ANKS1B: variants seen among roughly 807,000 people sequenced by gnomAD.
ANKS1B encodes ankyrin repeat and sterile alpha motif domain-containing protein 1B.
A neutral mutation model predicts 148.3 loss-of-function variants in ANKS1B; 36 were observed. The observed-to-expected ratio is 0.24, with a 90% CI of 0.19 to 0.32. The LOEUF (loss-of-function observed/expected upper bound fraction) is 0.32. Ranked by LOEUF, ANKS1B falls within the 10% of genes least tolerant of loss-of-function variation. ANKS1B has a pLI of 1.00. For missense variants in ANKS1B, 1,157 were observed against 1,542.6 expected (o/e 0.75, Z 4.19); for synonymous variants, 542 against 560.8 (o/e 0.97, Z 0.47).
At chr12:99,702,185 C>T (rs1366778211) in intron 8 of ANKS1B, among the ~76,000 whole-genome samples, 2 of 152,156 alleles carry the variant, frequency 1.3e-5, no homozygotes, top group Non-Finnish European at 2.9e-5. Context: ...CTTTTCTCCA[C>T]ATCCTTGCCT....
At chr12:99,519,961 T>C (rs1424568120) in intron 9 of ANKS1B, among the ~76,000 whole-genome samples, 1 of 152,206 alleles carries the variant, frequency 6.6e-6, no homozygotes, top group East Asian at 1.9e-4. Context: ...CTCTACACTT[T>C]AACTTTGTCT....
intron 16 of ANKS1B, among the ~76,000 whole-genome samples, chr12:99,073,747 T>A (rs996295772): frequency 6.6e-6 from 1 of 152,228 alleles, no homozygotes; most frequent in Non-Finnish European, 1.5e-5. Flanking sequence ...AAATGATTCC[T>A]GTTCTTGCTT....
intron 11 of ANKS1B, among the ~76,000 whole-genome samples, chr12:99,415,516 A>T (rs923912434): frequency 1.3e-5 from 2 of 152,170 alleles, no homozygotes; most frequent in Admixed American, 1.3e-4. Flanking sequence ...TTTTAATTAA[A>T]TTTTTTATTT....
intron 4 of ANKS1B, among the ~76,000 whole-genome samples, chr12:99,791,539 AT>A (rs1448028180): frequency 6.6e-6 from 1 of 152,048 alleles, no homozygotes; most frequent in East Asian, 1.9e-4. Context: ...TTTTTTAAAA[AT>A]GAAAAAATAT....
chr12:99,694,790 T>C (rs2053646329), intron 8 of ANKS1B, among the ~76,000 whole-genome samples: 1 of 152,218 alleles, frequency 6.6e-6, no homozygotes, highest in Non-Finnish European at 1.5e-5. Flanking sequence ...TACATGTTAT[T>C]TTGCTCAACC....
At chr12:98,735,362 G>T (rs1401400045) in exon 10 of ANKS1B, 2 of 426,366 alleles carry the variant, frequency 4.7e-6, no homozygotes, top group South Asian at 7.5e-5. Flanking sequence ...TTTTTGCCTT[G>T]GTATACATTT....
intron 8 of ANKS1B, among the ~76,000 whole-genome samples, chr12:99,772,286 A>G (rs2063267221): frequency 6.6e-6 from 1 of 152,084 alleles, no homozygotes; most frequent in African/African-American, 2.4e-5. Flanking sequence ...ATAAATAGAA[A>G]TACTTGCTCT....
intron 14 of ANKS1B, among the ~76,000 whole-genome samples, chr12:99,226,167 T>C (rs1191981505): frequency 2.0e-5 from 3 of 152,204 alleles, no homozygotes; most frequent in Admixed American, 6.5e-5. Context: ...AACAATAGTA[T>C]ACCAGGTGCA....
intron 1 of ANKS1B, among the ~76,000 whole-genome samples, chr12:99,858,891 G>A (rs1254905020): frequency 1.3e-5 from 2 of 152,116 alleles, no homozygotes; most frequent in Admixed American, 6.5e-5. Flanking sequence ...GGGGGCGGGT[G>A]AGGGATATAA....
At chr12:99,915,618 A>T (rs747566102) in intron 1 of ANKS1B, among the ~76,000 whole-genome samples, 1 of 152,228 alleles carries the variant, frequency 6.6e-6, no homozygotes, top group East Asian at 1.9e-4. Flanking sequence ...AGGTCAGAGC[A>T]GTAACCAGAG....
chr12:99,236,432 C>G (rs565359062), intron 14 of ANKS1B, among the ~76,000 whole-genome samples: 3 of 152,288 alleles, frequency 2.0e-5, no homozygotes, highest in South Asian at 4.1e-4. Flanking sequence ...CAAGGCACAT[C>G]TTACATGGCA....
chr12:99,893,030 G>A (rs757566751), intron 1 of ANKS1B, among the ~76,000 whole-genome samples: 23 of 152,204 alleles, frequency 1.5e-4, no homozygotes, highest in Admixed American at 3.3e-4. Context: ...CACAGAGTTC[G>A]CACTAGCTTT....
chr12:99,341,847 A>T (rs2089973685), intron 12 of ANKS1B, among the ~76,000 whole-genome samples: 1 of 152,234 alleles, frequency 6.6e-6, no homozygotes, highest in East Asian at 1.9e-4. Flanking sequence ...AAGGATTTCA[A>T]CCCAGGTATT....
chr12:99,573,567 T>C (rs1389698970), intron 9 of ANKS1B, among the ~76,000 whole-genome samples: 1 of 152,102 alleles, frequency 6.6e-6, no homozygotes, highest in African/African-American at 2.4e-5. Context: ...CTAAATCTAA[T>C]TCCCTGCCTA....
chr12:99,637,981 C>A (rs1465855340), intron 9 of ANKS1B, among the ~76,000 whole-genome samples: 3 of 151,800 alleles, frequency 2.0e-5, no homozygotes, highest in Admixed American at 1.3e-4. Context: ...GGGATGGTTA[C>A]CCCCATCCTG....
chr12:99,620,057 G>A (rs892960087), intron 9 of ANKS1B, among the ~76,000 whole-genome samples: 23 of 152,042 alleles, frequency 1.5e-4, no homozygotes, highest in Admixed American at 4.6e-4. Context: ...ACCTATAAGC[G>A]CCATCTACTG....
chr12:99,000,805 T>G (rs1403151502), intron 17 of ANKS1B, among the ~76,000 whole-genome samples: 1 of 152,204 alleles, frequency 6.6e-6, no homozygotes, highest in Non-Finnish European at 1.5e-5. Context: ...TCTCGCATTA[T>G]GTGAAATGGA....
At chr12:99,095,026 T>TGG (rs10543431) in intron 15 of ANKS1B, among the ~76,000 whole-genome samples, 3 of 149,556 alleles carry the variant, frequency 2.0e-5, no homozygotes, top group African/African-American at 7.4e-5. Context: ...TGGGTCTCAC[T>TGG]GGGGGGGGGG....
At chr12:99,310,569 G>A (rs2082997707) in intron 12 of ANKS1B, among the ~76,000 whole-genome samples, 2 of 152,104 alleles carry the variant, frequency 1.3e-5, no homozygotes, top group South Asian at 4.1e-4. Context: ...GACTCAAACT[G>A]AAACGTTGGC....
Sources: gnomAD v4.1 joint callset for allele counts (sites outside exome capture counted in the v4.1 genomes callset) on GRCh38, gnomAD v4.1.1 for gene constraint, MANE v1.5 for transcripts, NCBI Gene and HGNC (gene_info 2026-07-23, HGNC 2026-07-21) for gene names.